The following CCDC146 variants were observed in gnomAD, a reference collection of about 807,000 sequenced individuals.
The protein encoded by CCDC146 is coiled-coil domain containing 146, also known as coiled-coil domain-containing protein 146.
A neutral mutation model predicts 119.3 loss-of-function variants in CCDC146; 92 were observed. The observed-to-expected ratio is 0.77, with a 90% confidence interval of 0.65 to 0.92. The LOEUF is 0.92. Ranked by LOEUF, CCDC146 falls within the 40% of genes least tolerant of loss-of-function variation. The pLI is 0.00. For missense variants in CCDC146, 1,000 were observed against 1,103.0 expected, an observed-to-expected ratio of 0.91 and a Z score of 1.32; for synonymous variants, 372 against 371.8, an observed-to-expected ratio of 1.00 and a Z score of -0.01.
At chr7:77,264,826 C>A (rs927598356) in intron 9 of CCDC146, among the ~76,000 whole-genome samples, 3 of 152,150 alleles carry the variant, frequency 2.0e-5, no homozygotes, top group African/African-American at 2.4e-5. Flanking sequence ...GTTCTGCTAT[C>A]CTTGTTTTAG....
intron 2 of CCDC146, among the ~76,000 whole-genome samples, chr7:77,172,444 G>T (rs1348391724): frequency 6.6e-6 from 1 of 152,148 alleles, no homozygotes; most frequent in Non-Finnish European, 1.5e-5. Context: ...CAGTTGCTTG[G>T]CATAGCATTG....
chr7:77,247,696 G>T lies in CCDC146; in HGVS notation c.449+5796G>T, dbSNP rs767883157. ...AATGGCTAAGAATCAAATGAAAAAA[G>T]TTCATCACTAATCAGAGAAATGCAA... On this transcript the variant is annotated intron_variant, in intron 4 of 18. Transcript: ENST00000285871. Among the ~76,000 whole-genome samples the T allele has an allele frequency of 5.3e-5, 8 of 152,170 alleles. No individual in the cohort carries two copies. The East Asian group carries it at 1.3e-3, about 26-fold the overall frequency.
chr7:77,226,814 T>A (rs748213422), intron 2 of CCDC146, among the ~76,000 whole-genome samples: 4 of 152,234 alleles, frequency 2.6e-5, no homozygotes, highest in Non-Finnish European at 4.4e-5. Flanking sequence ...ATGCAACCAT[T>A]TTCCATGTAT....
intron 11 of CCDC146, 137 bp from the exon 12 acceptor site, chr7:77,278,615 T>A: frequency 6.5e-6 from 4 of 615,926 alleles, no homozygotes; most frequent in Non-Finnish European, 1.1e-5. Flanking sequence ...CCAGATAATT[T>A]TTTTATTTTT....
At chr7:77,228,611 A>G (rs1348703074) in intron 2 of CCDC146, among the ~76,000 whole-genome samples, 1 of 152,222 alleles carries the variant, frequency 6.6e-6, no homozygotes, top group Non-Finnish European at 1.5e-5. Flanking sequence ...ATAGTGCTGC[A>G]ATGAACATAC....
chr7:77,137,209 T>C (rs1790872977), intron 1 of CCDC146, among the ~76,000 whole-genome samples: 1 of 150,864 alleles, frequency 6.6e-6, no homozygotes, highest in African/African-American at 2.4e-5. Context: ...AAGGCAAAGA[T>C]GTCCCCTCTC....
At chr7:77,173,793 G>A (rs1033503297) in intron 2 of CCDC146, among the ~76,000 whole-genome samples, 2 of 151,934 alleles carry the variant, frequency 1.3e-5, no homozygotes, top group African/African-American at 4.8e-5. Context: ...ATTTAATCCT[G>A]TCCCATTTTC....
chr7:77,242,430 G>C (rs1230831737), intron 4 of CCDC146: 2 of 976,310 alleles, frequency 2.0e-6, no homozygotes, highest in South Asian at 4.7e-5. Flanking sequence ...AAGGAGAAAA[G>C]GTATATCCTT....
intron 1 of CCDC146, among the ~76,000 whole-genome samples, chr7:77,152,684 A>G (rs1791124027): frequency 6.6e-6 from 1 of 152,218 alleles, no homozygotes; most frequent in Non-Finnish European, 1.5e-5. Flanking sequence ...CTCTCACACC[A>G]AAGCCTAAAG....
intron 8 of CCDC146, among the ~76,000 whole-genome samples, chr7:77,260,707 A>C (rs1562852037): frequency 6.6e-6 from 1 of 152,150 alleles, no homozygotes. Context: ...GCTCACTGCA[A>C]CCTCTGCCTC....
chr7:77,248,980 A>G (rs934110461), intron 4 of CCDC146, among the ~76,000 whole-genome samples: 4 of 152,184 alleles, frequency 2.6e-5, no homozygotes, highest in African/African-American at 9.7e-5. Context: ...AGAAAAACTG[A>G]CATTTCTTTC....
chr7:77,150,513 T>C (rs571097235), intron 1 of CCDC146, among the ~76,000 whole-genome samples: 1 of 152,194 alleles, frequency 6.6e-6, no homozygotes, highest in Non-Finnish European at 1.5e-5. Flanking sequence ...GAGATACTAG[T>C]ACAATTTCAC....
chr7:77,193,624 C>A (rs930849621), intron 2 of CCDC146: 1 of 152,026 alleles, frequency 6.6e-6, no homozygotes, highest in Non-Finnish European at 1.5e-5. Context: ...TATTTAAGCT[C>A]TTTATTTATT....
intron 2 of CCDC146, among the ~76,000 whole-genome samples, chr7:77,219,729 A>G (rs772154126): frequency 4.6e-5 from 7 of 152,204 alleles, no homozygotes; most frequent in Non-Finnish European, 8.8e-5. Context: ...AAGAGTACAA[A>G]AGAAAGAAAT....
intron 4 of CCDC146, chr7:77,246,544 A>G (rs749750358): frequency 6.6e-6 from 1 of 152,232 alleles, no homozygotes; most frequent in Non-Finnish European, 1.5e-5. Flanking sequence ...GAGTTAATAC[A>G]TACCAGGAGG....
At chr7:77,288,595 C>T (rs1793890082) in intron 17 of CCDC146, among the ~76,000 whole-genome samples, 1 of 152,240 alleles carries the variant, frequency 6.6e-6, no homozygotes, top group South Asian at 2.1e-4. Context: ...ACTCACCTGG[C>T]CTCTGGGTTC....
At chr7:77,226,345 C>G (rs918895811) in intron 2 of CCDC146, among the ~76,000 whole-genome samples, 1 of 152,190 alleles carries the variant, frequency 6.6e-6, no homozygotes, top group African/African-American at 2.4e-5. Context: ...GTCACAAGAA[C>G]AGGGTAGGCA....
intron 2 of CCDC146, among the ~76,000 whole-genome samples, chr7:77,230,428 T>C (rs1671038205): frequency 1.3e-5 from 2 of 152,190 alleles, no homozygotes; most frequent in Admixed American, 1.3e-4. Flanking sequence ...TATATTGGAA[T>C]GTCTTTATTT....
chr7:77,274,479 A>G lies in CCDC146; in HGVS notation c.1270-3A>G, dbSNP rs767382479. ...TAATATTATCTGTGTTTTTTTTCAA[A>G]AGAAAATTATATCAGAAATGGAGTC... On this transcript the variant is annotated splice_region_variant and splice_polypyrimidine_tract_variant and intron_variant, in intron 10 of 18. Coordinates refer to ENST00000285871, the MANE Select transcript of CCDC146 (RefSeq NM_020879.3). The G allele has an allele frequency of 2.6e-6, 4 of 1,526,454 alleles. No individual in the cohort carries two copies. The Admixed American group carries it at 8.9e-5, about 34-fold the overall frequency. The allele number at this position is 1,526,454 out of a possible 1,614,324, so 94.6% of individuals were successfully genotyped here.
Sources: allele counts gnomAD v4.1 joint callset (sites outside exome capture counted in the v4.1 genomes callset), GRCh38; gene constraint gnomAD v4.1.1; transcripts MANE v1.5; gene names NCBI Gene and HGNC (gene_info 2026-07-23, HGNC 2026-07-21).